RFTN2: variants seen among roughly 807,000 people sequenced by gnomAD.
RFTN2 encodes raftlin family member 2.
Under a neutral mutation model 52.7 loss-of-function variants are expected in RFTN2, and 34 were observed. The ratio of observed to expected loss-of-function variants is 0.64; its 90% CI spans 0.49 to 0.86. The LOEUF is 0.86. Ranked by LOEUF, RFTN2 falls within the 40% of genes least tolerant of loss-of-function variation. The pLI is 0.00. For missense variants in RFTN2, 536 were observed against 600.1 expected (o/e 0.89, Z 1.12); for synonymous variants, 203 against 217.7 (o/e 0.93, Z 0.59).
intron 5 of RFTN2, among the ~76,000 whole-genome samples, chr2:197,619,432 G>T (rs1172440558): frequency 1.0e-3 from 152 of 152,258 alleles, no homozygotes; most frequent in Non-Finnish European, 1.9e-3. Flanking sequence ...CCTGTTGATT[G>T]GTGACCTTAC....
At chr2:197,573,922 G>A (rs1291751615) in intron 8 of RFTN2, among the ~76,000 whole-genome samples, 1 of 152,252 alleles carries the variant, frequency 6.6e-6, no homozygotes, top group African/African-American at 2.4e-5. Flanking sequence ...TGGGTACACA[G>A]AAGTCAGGAA....
At chr2:197,647,180 C>A (rs1354608785) in intron 1 of RFTN2, among the ~76,000 whole-genome samples, 1 of 152,100 alleles carries the variant, frequency 6.6e-6, no homozygotes, top group Non-Finnish European at 1.5e-5. Context: ...AAGAGCCAGT[C>A]ATTTTTATGA....
chr2:197,605,255 G>A (rs1353175845), intron 7 of RFTN2, among the ~76,000 whole-genome samples: 2 of 150,992 alleles, frequency 1.3e-5, no homozygotes, highest in African/African-American at 2.4e-5. Context: ...GTCTGGCTCT[G>A]TCTTCCCAGG....
At chr2:197,607,052 TC>T (rs2087973271) in intron 7 of RFTN2, among the ~76,000 whole-genome samples, 1 of 152,198 alleles carries the variant, frequency 6.6e-6, no homozygotes, top group Non-Finnish European at 1.5e-5. Context: ...GTGGGACTAT[TC>T]ACAATAGCAA....
At chr2:197,639,821 T>G (rs1274905422) in intron 3 of RFTN2, among the ~76,000 whole-genome samples, 3 of 142,060 alleles carry the variant, frequency 2.1e-5, no homozygotes, top group Non-Finnish European at 4.6e-5. Context: ...GCGCTCTGCG[T>G]TTTAGAGTTT....
intron 3 of RFTN2, among the ~76,000 whole-genome samples, chr2:197,637,937 T>G (rs1205220059): frequency 6.6e-6 from 1 of 151,458 alleles, no homozygotes; most frequent in Non-Finnish European, 1.5e-5. Context: ...TGGTATGTTG[T>G]GTCTTTGTTC....
chr2:197,575,363 C>T (rs1265181444), intron 8 of RFTN2, among the ~76,000 whole-genome samples: 1 of 152,208 alleles, frequency 6.6e-6, no homozygotes, highest in East Asian at 1.9e-4. Flanking sequence ...ATAATTCAGA[C>T]TGAGTTTATT....
At chr2:197,672,224 AAC>A (rs1179916267) in intron 1 of RFTN2, among the ~76,000 whole-genome samples, 1 of 152,190 alleles carries the variant, frequency 6.6e-6, no homozygotes. Flanking sequence ...ACCTAGATGA[AAC>A]TTTAAATTTC....
intron 4 of RFTN2, among the ~76,000 whole-genome samples, chr2:197,632,219 A>G (rs2106233331): frequency 6.6e-6 from 1 of 152,274 alleles, no homozygotes; most frequent in Admixed American, 6.5e-5. Flanking sequence ...CCTCTTGTTC[A>G]CTTTTACATT....
At chr2:197,615,021 C>T (rs769504784) in intron 7 of RFTN2, among the ~76,000 whole-genome samples, 10 of 152,130 alleles carry the variant, frequency 6.6e-5, no homozygotes, top group Non-Finnish European at 1.2e-4. Flanking sequence ...TTTCCCTACC[C>T]GAAGAAGGTG....
intron 3 of RFTN2, among the ~76,000 whole-genome samples, chr2:197,640,804 A>G (rs2088660616): frequency 6.6e-6 from 1 of 152,160 alleles, no homozygotes; most frequent in African/African-American, 2.4e-5. Flanking sequence ...CCATTGACAT[A>G]TCGGTAAGAG....
At chr2:197,576,925 G>A (rs976496945) in intron 8 of RFTN2, among the ~76,000 whole-genome samples, 4 of 152,162 alleles carry the variant, frequency 2.6e-5, no homozygotes, top group African/African-American at 9.7e-5. Flanking sequence ...GTCAAGCTGA[G>A]AATGGCTTAG....
chr2:197,602,774 G>A (rs1310587666), intron 7 of RFTN2, among the ~76,000 whole-genome samples: 3 of 152,136 alleles, frequency 2.0e-5, no homozygotes, highest in Non-Finnish European at 4.4e-5. Context: ...ACATGCACAC[G>A]TATGTTTATC....
At chr2:197,586,835 A>C (rs1559339328) in intron 8 of RFTN2, among the ~76,000 whole-genome samples, 1 of 152,126 alleles carries the variant, frequency 6.6e-6, no homozygotes, top group Non-Finnish European at 1.5e-5. Flanking sequence ...TGACTTACTC[A>C]CTGCTGAAAC....
chr2:197,647,598 G>A (rs959914383), intron 1 of RFTN2, among the ~76,000 whole-genome samples: 7 of 152,084 alleles, frequency 4.6e-5, no homozygotes, highest in Admixed American at 4.6e-4. Context: ...CACTTGTCAA[G>A]GCTTTCTTAT....
intron 8 of RFTN2, among the ~76,000 whole-genome samples, chr2:197,577,710 G>C (rs2087441723): frequency 6.6e-6 from 1 of 152,042 alleles, no homozygotes; most frequent in Non-Finnish European, 1.5e-5. Flanking sequence ...GTTTCTCTCT[G>C]TCACCCAGGC....
intron 5 of RFTN2, among the ~76,000 whole-genome samples, chr2:197,621,401 G>GGTT (rs2088261637): frequency 1.6e-5 from 2 of 122,592 alleles, no homozygotes; most frequent in African/African-American, 6.3e-5. Context: ...GCAGATACCG[G>GGTT]TTTTTTTTTT....
intron 1 of RFTN2, among the ~76,000 whole-genome samples, chr2:197,674,116 AT>A (rs2089182643): frequency 6.6e-6 from 1 of 152,152 alleles, no homozygotes; most frequent in Non-Finnish European, 1.5e-5. Flanking sequence ...CATTTTTAAC[AT>A]TCATAATTTA....
chr2:197,622,585 C>T (rs913664262), intron 5 of RFTN2, among the ~76,000 whole-genome samples: 4 of 152,188 alleles, frequency 2.6e-5, no homozygotes, highest in Non-Finnish European at 4.4e-5. Flanking sequence ...GGATTACAGG[C>T]GTGAGCCACT....
Sources: gnomAD v4.1 joint callset for allele counts (sites outside exome capture counted in the v4.1 genomes callset) on GRCh38, gnomAD v4.1.1 for gene constraint, MANE v1.5 for transcripts, NCBI Gene and HGNC (gene_info 2026-07-23, HGNC 2026-07-21) for gene names.